CCNG1: variants seen among roughly 807,000 people sequenced by gnomAD.
The protein encoded by CCNG1 is cyclin-G1.
A neutral mutation model predicts 30.0 loss-of-function variants in CCNG1; 13 were observed. That is an observed-to-expected ratio of 0.43 (90% CI 0.28 to 0.69). The LOEUF is 0.69. Ranked by LOEUF, CCNG1 falls within the 30% of genes least tolerant of loss-of-function variation. The pLI, the probability that CCNG1 is intolerant of heterozygous loss-of-function variation, is 0.16. For missense variants in CCNG1, 285 were observed against 331.4 expected (o/e 0.86, Z 1.09); for synonymous variants, 110 against 121.5 (o/e 0.91, Z 0.62).
At chr5:163,439,683 A>C in intron 2 of CCNG1, 163 bp downstream of exon 2, 1 of 611,036 alleles carries the variant, frequency 1.6e-6, no homozygotes, top group Non-Finnish European at 2.9e-6. Flanking sequence ...CATAATCAAG[A>C]GTAGTACATC....
chr5:163,442,227 T>C lies in CCNG1; in HGVS notation c.696+84T>C, dbSNP rs1757852044. 3 of 1,112,266 alleles carry C rather than the reference T, an allele frequency of 2.7e-6. No individual in the cohort carries two copies. In the South Asian group the frequency reaches 4.4e-5, roughly 16 times the overall value. 68.9% of individuals were successfully genotyped at this position (1,112,266 alleles called of 1,614,324 possible). Reference sequence around the variant, plus strand: ...CTATCTCCTGAAGTAAAATGAGATGTCATATGTTTATTTGAAACTTAAGTA... The same window carrying C: ...CTATCTCCTGAAGTAAAATGAGATGCCATATGTTTATTTGAAACTTAAGTA... On this transcript the variant is annotated intron_variant, in intron 5 of 6. Transcript: ENST00000340828.
chr5:163,453,872 G>A, the CCNG1 span: 1 of 561,466 alleles, frequency 1.8e-6, no homozygotes, highest in East Asian at 3.0e-5. Context: ...TCTGTTAACT[G>A]TAGGCATCCG....
chr5:163,457,280 C>G, the CCNG1 span, among the ~76,000 whole-genome samples: 1 of 151,988 alleles, frequency 6.6e-6, no homozygotes, highest in Admixed American at 6.6e-5. Context: ...TACAGGCATG[C>G]GCCACCATGC....
At chr5:163,439,727 G>T (rs1417530940) in intron 2 of CCNG1, 6 of 464,916 alleles carry the variant, frequency 1.3e-5, no homozygotes, top group African/African-American at 2.0e-5. Context: ...ATGAAAAATA[G>T]TCTAATATCA....
In CCNG1 at chr5:163,444,948, A is replaced by G. The variant is rs1200697051; in HGVS notation, c.*1278A>G. On this transcript the variant is annotated 3_prime_UTR_variant, in exon 7 of 7. Transcript: ENST00000340828. ...TTGTTAATTTTGAGTTGGCAGAGGT[A>G]AACTAACCAACTACCATTATGTTTT... 6.6e-6 allele frequency: 1 copy of G among 152,592 alleles called. No individual in the cohort carries two copies. Among genetic ancestry groups the G allele is most frequent in the Non-Finnish European group, 1.5e-5 (1 of 68,024 alleles). 9.5% of individuals were successfully genotyped at this position (152,592 alleles called of 1,614,324 possible). A position where few individuals can be genotyped will look rare whatever the true frequency, so the allele number is the denominator to read the frequency against.
chr5:163,449,509 GAC>G (rs1758122517), downstream of CCNG1: 1 of 152,198 alleles, frequency 6.6e-6, no homozygotes, highest in Non-Finnish European at 1.5e-5. Context: ...TGGATTGGAA[GAC>G]ACAAAATTGC....
chr5:163,441,429 A>T (rs2069350), intron 3 of CCNG1, 98 bp downstream of exon 3: 2 of 1,136,180 alleles, frequency 1.8e-6, no homozygotes, highest in African/African-American at 3.1e-5. Flanking sequence ...TTCTAATAAA[A>T]ATAAGTAAAA....
intron 3 of CCNG1, chr5:163,441,652 T>C (rs1247435399): frequency 4.1e-6 from 2 of 490,916 alleles, no homozygotes; most frequent in Non-Finnish European, 7.1e-6. Flanking sequence ...AATCTTGTAT[T>C]TGTGGCATAG....
rs1757868699 is a variant in CCNG1 at position 163,442,504 on chromosome 5, A to G, written c.827A>G (p.Gln276Arg). The change falls in exon 6 of 7, where the codon CAA (glutamine) becomes CGA (arginine). Residue 276 changes from glutamine to arginine, a missense_variant. Transcript: ENST00000340828. ...KWIVSGRTAR[Q>R]LKHSYYRITH... Reference sequence around the variant, plus strand: ...ATTGTTTCTGGGCGTACTGCACGGCAATTGAAGCATAGCTACTACAGAATA... The same window carrying G: ...ATTGTTTCTGGGCGTACTGCACGGCGATTGAAGCATAGCTACTACAGAATA... 1 of 1,614,012 alleles carries G rather than the reference A, an allele frequency of 6.2e-7. No homozygotes were observed. The highest frequency in any genetic ancestry group is 1.1e-5 in the South Asian group (1 of 91,040).
At chr5:163,438,460 C>T (rs1204421011) in intron 1 of CCNG1, among the ~76,000 whole-genome samples, 1 of 152,118 alleles carries the variant, frequency 6.6e-6, no homozygotes. Flanking sequence ...GTTTTTTAAG[C>T]GTCTACTGTA....
At chr5:163,439,044 A>G in intron 1 of CCNG1, 1 of 448,292 alleles carries the variant, frequency 2.2e-6, no homozygotes, top group Non-Finnish European at 3.9e-6. Flanking sequence ...AAAAAAAAGC[A>G]TGGTTCCTTC....
chr5:163,447,081 T>C (rs1758055027), downstream of CCNG1: 1 of 152,144 alleles, frequency 6.6e-6, no homozygotes, highest in African/African-American at 2.4e-5. Context: ...CAAGGATAAT[T>C]AGGGACATTA....
At chr5:163,448,246 A>G (rs1271314671), downstream of CCNG1, 3 of 152,158 alleles carry the variant, frequency 2.0e-5, no homozygotes, top group Admixed American at 2.0e-4. Flanking sequence ...TAAACAAATT[A>G]ATAGAAAACA....
chr5:163,446,371 A>C (rs921950283), downstream of CCNG1, among the ~76,000 whole-genome samples: 2 of 152,226 alleles, frequency 1.3e-5, no homozygotes, highest in Non-Finnish European at 2.9e-5. Context: ...TTTGCAAATG[A>C]AAGAGAGACA....
chr5:163,446,813 G>C (rs1407142575), downstream of CCNG1: 1 of 151,952 alleles, frequency 6.6e-6, no homozygotes, highest in South Asian at 2.1e-4. Context: ...CCAGGAGTTC[G>C]AGACCAGCAT....
chr5:163,441,165 G>A lies in CCNG1; in HGVS notation c.352G>A (p.Ala118Thr), dbSNP rs201713067. 189 of 1,613,838 alleles carry A rather than the reference G, an allele frequency of 1.2e-4. No individual in the cohort carries two copies. Among genetic ancestry groups the A allele is most frequent in the Non-Finnish European group, 1.3e-4 (154 of 1,179,868 alleles). The change falls in exon 3 of 7, where the codon GCA becomes ACA. Residue 118 changes from alanine to threonine, a missense_variant. Transcript: ENST00000340828. The stretch of plus-strand genomic sequence containing the variant: ...AGAAGAGGAAAGGAATGTCCCATTG[G>A]CAACTGACTTGATCCGAATAAGTCA... ...SIEEERNVPLATDLIRISQYR... is the reference protein window; with the variant it reads ...SIEEERNVPLTTDLIRISQYR...
chr5:163,452,463 ATG>A, the CCNG1 span: 2 of 152,316 alleles, frequency 1.3e-5, no homozygotes, highest in African/African-American at 4.8e-5. Context: ...TACCAGCCAA[ATG>A]TACAATAATT....
chr5:163,455,006 CT>C, the CCNG1 span, among the ~76,000 whole-genome samples: 3 of 152,190 alleles, frequency 2.0e-5, no homozygotes, highest in Non-Finnish European at 4.4e-5. Context: ...AAATACTCAA[CT>C]GTCTGAAAGA....
At chr5:163,455,145 GA>G in the CCNG1 span, among the ~76,000 whole-genome samples, 252 of 115,018 alleles carry the variant, frequency 2.2e-3, 2 homozygotes, top group South Asian at 0.018. Context: ...AAGTGACACA[GA>G]AAAAAAAAAA....
Sources: gnomAD v4.1 joint callset for allele counts (sites outside exome capture counted in the v4.1 genomes callset) on GRCh38, gnomAD v4.1.1 for gene constraint, MANE v1.5 for transcripts, NCBI Gene and HGNC (gene_info 2026-07-23, HGNC 2026-07-21) for gene names.